SLC35F3: variants seen among roughly 807,000 people sequenced by gnomAD.
The protein encoded by SLC35F3 is solute carrier family 35 member F3, also known as putative thiamine transporter SLC35F3.
SLC35F3 carries 25 observed loss-of-function variants against 49.9 expected under a neutral mutation model. The observed-to-expected ratio is 0.50, with a 90% CI of 0.37 to 0.70. The LOEUF (loss-of-function observed/expected upper bound fraction) is 0.70, where lower values mean the gene tolerates loss of function less well. SLC35F3 is among the 30% of genes least tolerant of loss of function. The pLI, the probability that SLC35F3 is intolerant of heterozygous loss-of-function variation, is 0.00. For missense variants in SLC35F3, 525 were observed against 639.8 expected (o/e 0.82, Z 1.94); for synonymous variants, 275 against 265.4 (o/e 1.04, Z -0.35).
chr1:233,974,643 T>C (rs952272384), intron 2 of SLC35F3, among the ~76,000 whole-genome samples: 3 of 152,228 alleles, frequency 2.0e-5, no homozygotes, highest in African/African-American at 4.8e-5. Flanking sequence ...GTCTTTGTTC[T>C]CATCAACTCT....
chr1:234,297,348 G>A (rs1314505763), intron 3 of SLC35F3, among the ~76,000 whole-genome samples: 1 of 152,192 alleles, frequency 6.6e-6, no homozygotes, highest in Non-Finnish European at 1.5e-5. Flanking sequence ...GGTAATGTCT[G>A]CATTCCCATG....
chr1:234,014,587 C>T (rs1164312873), intron 2 of SLC35F3, among the ~76,000 whole-genome samples: 3 of 152,116 alleles, frequency 2.0e-5, no homozygotes, highest in Admixed American at 6.5e-5. Context: ...ACTTTGACCA[C>T]TCCACCCAAA....
At chr1:234,256,514 G>T (rs935966553) in intron 3 of SLC35F3, among the ~76,000 whole-genome samples, 1 of 152,186 alleles carries the variant, frequency 6.6e-6, no homozygotes, top group Non-Finnish European at 1.5e-5. Flanking sequence ...CTTCATCAGT[G>T]ATTTCACAGC....
intron 2 of SLC35F3, among the ~76,000 whole-genome samples, chr1:233,968,488 TTTC>T (rs1662936098): frequency 6.7e-6 from 1 of 150,212 alleles, no homozygotes; most frequent in Non-Finnish European, 1.5e-5. Context: ...TCTTTTTCTT[TTTC>T]TTTTTCTTTT....
chr1:234,058,242 T>C (rs558296766), intron 2 of SLC35F3, among the ~76,000 whole-genome samples: 24 of 151,832 alleles, frequency 1.6e-4, no homozygotes, highest in African/African-American at 5.6e-4. Context: ...TACCAATTTA[T>C]GAATGTTAAA....
intron 2 of SLC35F3, among the ~76,000 whole-genome samples, chr1:233,975,475 G>A (rs997669235): frequency 2.0e-5 from 3 of 152,224 alleles, no homozygotes; most frequent in East Asian, 3.9e-4. Flanking sequence ...CGTGAGTCTG[G>A]CAGATTGTGT....
intron 2 of SLC35F3, among the ~76,000 whole-genome samples, chr1:233,916,645 A>T (rs1661976859): frequency 6.6e-6 from 1 of 152,250 alleles, no homozygotes; most frequent in South Asian, 2.1e-4. Context: ...CTCAGAAAAC[A>T]TAGTACTGGT....
chr1:234,105,976 G>A (rs1169160238), intron 2 of SLC35F3, among the ~76,000 whole-genome samples: 1 of 152,176 alleles, frequency 6.6e-6, no homozygotes, highest in Non-Finnish European at 1.5e-5. Context: ...TATTCCGGAT[G>A]TCAGAGCAAA....
rs926015516 is a variant in SLC35F3 at position 234,164,595 on chromosome 1, A to AG, written c.284-66821dup. Among the ~76,000 whole-genome samples the AG allele has an allele frequency of 3.3e-5, 5 of 152,036 alleles. No individual in the cohort carries two copies. In the South Asian group the frequency reaches 1.0e-3, roughly 32 times the overall value. ...GTGATACTTAAAATACAGACATCAA[A>AG]GCTGTTGGTTTGTTGTTTTTACCTT... is the stretch of plus-strand genomic sequence containing the variant. On this transcript the variant is annotated intron_variant, in intron 2 of 7. Coordinates refer to ENST00000366618, the MANE Select transcript of SLC35F3 (RefSeq NM_173508.4).
At chr1:234,188,582 C>T (rs542936284) in intron 2 of SLC35F3, among the ~76,000 whole-genome samples, 5 of 152,228 alleles carry the variant, frequency 3.3e-5, no homozygotes, top group East Asian at 1.9e-4. Flanking sequence ...CATGCCTAGC[C>T]GTGCCCCCAC....
At chr1:234,026,723 A>AG (rs1663984981) in intron 2 of SLC35F3, 2 of 152,168 alleles carry the variant, frequency 1.3e-5, no homozygotes, top group Admixed American at 1.3e-4. Flanking sequence ...GCTCCAAAAA[A>AG]AAAAAGAGCT....
In SLC35F3 at chr1:234,323,379, C is replaced by A; in HGVS notation, c.*136C>A. On this transcript the variant is annotated 3_prime_UTR_variant, in exon 8 of 8. Transcript: ENST00000366618. The surrounding 1 kb of genome is among the most constrained non-coding windows in gnomAD (Gnocchi z 4.5). Reference sequence around the variant, plus strand: ...GTTCTATGGTATTTATTGGCATGTCCAATTTGCTTGCACTTTTCCACATCA... The same window carrying A: ...GTTCTATGGTATTTATTGGCATGTCAAATTTGCTTGCACTTTTCCACATCA... 4 of 705,722 alleles carry A rather than the reference C, an allele frequency of 5.7e-6. No homozygotes were observed. Among genetic ancestry groups the A allele is most frequent in the Non-Finnish European group, 9.5e-6 (4 of 422,906 alleles). 43.7% of individuals were successfully genotyped at this position (705,722 alleles called of 1,614,324 possible).
intron 2 of SLC35F3, among the ~76,000 whole-genome samples, chr1:233,908,197 A>G (rs76767232): frequency 0.018 from 2,731 of 151,426 alleles, 38 homozygotes; most frequent in South Asian, 0.028. Context: ...CAAAACAAAG[A>G]CAAAAAAAAA....
chr1:234,281,384 TAAG>T (rs1352998280), intron 3 of SLC35F3, among the ~76,000 whole-genome samples: 1 of 152,176 alleles, frequency 6.6e-6, no homozygotes, highest in African/African-American at 2.4e-5. Context: ...AAGAATGTGT[TAAG>T]CCCCCAGTCT....
At chr1:233,991,300 T>C (rs1209512352) in intron 2 of SLC35F3, among the ~76,000 whole-genome samples, 1 of 152,176 alleles carries the variant, frequency 6.6e-6, no homozygotes, top group East Asian at 1.9e-4. Context: ...GCTTACCCTC[T>C]GTGCTGTAGA....
intron 2 of SLC35F3, among the ~76,000 whole-genome samples, chr1:233,913,469 T>C (rs1661916927): frequency 6.6e-6 from 1 of 152,232 alleles, no homozygotes; most frequent in Non-Finnish European, 1.5e-5. Context: ...TTTAAGAATG[T>C]GGCTGAAGCT....
intron 2 of SLC35F3, among the ~76,000 whole-genome samples, chr1:234,006,470 C>CG (rs148031577): frequency 6.6e-6 from 1 of 152,128 alleles, no homozygotes; most frequent in Admixed American, 6.5e-5. Flanking sequence ...CCCCTTTTAA[C>CG]GGGGAAAAAA....
intron 2 of SLC35F3, among the ~76,000 whole-genome samples, chr1:234,131,962 C>A (rs879731316): frequency 6.6e-6 from 1 of 152,080 alleles, no homozygotes; most frequent in Non-Finnish European, 1.5e-5. Context: ...GTATAAACTT[C>A]GGGGAGTGGA....
intron 3 of SLC35F3, among the ~76,000 whole-genome samples, chr1:234,245,865 G>A (rs566503060): frequency 6.6e-6 from 1 of 152,304 alleles, no homozygotes; most frequent in East Asian, 1.9e-4. Flanking sequence ...AGGGATCAGT[G>A]GACACACAGC....
Sources: allele counts gnomAD v4.1 joint callset (sites outside exome capture counted in the v4.1 genomes callset), GRCh38; gene constraint gnomAD v4.1.1; non-coding constraint Gnocchi (gnomAD v3.1); transcripts MANE v1.5; gene names NCBI Gene and HGNC (gene_info 2026-07-23, HGNC 2026-07-21).